PARP9: variants seen among roughly 807,000 people sequenced by gnomAD.
The protein encoded by PARP9 is poly(ADP-ribose) polymerase family member 9, also known as protein mono-ADP-ribosyltransferase PARP9.
Under a neutral mutation model 68.8 loss-of-function variants are expected in PARP9, and 48 were observed. The ratio of observed to expected loss-of-function variants is 0.70; its 90% confidence interval spans 0.55 to 0.89. The LOEUF (loss-of-function observed/expected upper bound fraction) is 0.89. Among genes scored for constraint, PARP9 ranks in the 40% least tolerant of loss-of-function variants. PARP9 has a pLI of 0.00. For missense variants in PARP9, 806 were observed against 969.3 expected (o/e 0.83, Z 2.24); for synonymous variants, 309 against 333.8 (o/e 0.93, Z 0.81).
chr3:122,528,341 C>T lies in PARP9; in HGVS notation c.*23G>A, dbSNP rs375933387. On this transcript the variant is annotated 3_prime_UTR_variant, in exon 11 of 11. Coordinates refer to ENST00000682323, the MANE Select transcript of PARP9 (RefSeq NM_001146105.2). ...TAGTTCACCCAAGGTAAGGCCATAC[C>T]AGCTGTTAAAATGATGTAGAGATTA... The T allele has an allele frequency of 4.4e-6, 7 of 1,598,116 alleles. No homozygotes were observed. Among genetic ancestry groups the T allele is most frequent in the African/African-American group, 1.3e-5 (1 of 74,728 alleles).
chr3:122,546,994 AT>A (rs2078762326), intron 6 of PARP9, among the ~76,000 whole-genome samples: 1 of 117,370 alleles, frequency 8.5e-6, no homozygotes, highest in African/African-American at 3.5e-5. Flanking sequence ...ATATATATAT[AT>A]ATATATATAT....
At chr3:122,551,483 G>A (rs1288445497) in intron 5 of PARP9, among the ~76,000 whole-genome samples, 2 of 152,088 alleles carry the variant, frequency 1.3e-5, no homozygotes, top group Non-Finnish European at 2.9e-5. Context: ...ATTCTTTAAT[G>A]CTTTTATTTT....
At chr3:122,535,418 T>G (rs114920555) in intron 10 of PARP9, 2 of 985,270 alleles carry the variant, frequency 2.0e-6, no homozygotes. Flanking sequence ...ATGCTACATA[T>G]GTTGAAAGAT....
intron 6 of PARP9, among the ~76,000 whole-genome samples, chr3:122,550,149 G>A (rs560567369): frequency 2.6e-5 from 4 of 152,190 alleles, no homozygotes; most frequent in Admixed American, 6.5e-5. Context: ...GCGTGATCTC[G>A]GCTCACCACA....
chr3:122,534,000 T>C, intron 10 of PARP9: 4 of 985,448 alleles, frequency 4.1e-6, no homozygotes, highest in African/African-American at 1.7e-5. Flanking sequence ...AAGAGTTCTC[T>C]CTAGCCTACA....
At chr3:122,530,435 CTG>C (rs370209766) in intron 10 of PARP9, among the ~76,000 whole-genome samples, 25 of 152,082 alleles carry the variant, frequency 1.6e-4, no homozygotes, top group African/African-American at 6.0e-4. Context: ...ACTCTGGGGA[CTG>C]TGATACTAAG....
chr3:122,531,346 C>T (rs1250183130), intron 10 of PARP9, among the ~76,000 whole-genome samples: 2 of 152,186 alleles, frequency 1.3e-5, no homozygotes, highest in African/African-American at 2.4e-5. Flanking sequence ...GATTTTCTTT[C>T]CCGGGAGTTT....
At chr3:122,537,169 T>A in intron 8 of PARP9, 96 bp from the exon 9 acceptor site, 1 of 1,315,610 alleles carries the variant, frequency 7.6e-7, no homozygotes, top group Non-Finnish European at 1.0e-6. Flanking sequence ...AGGAAGGGAT[T>A]AGCCAGTTTA....
At chr3:122,529,918 C>G (rs185544052) in intron 10 of PARP9, among the ~76,000 whole-genome samples, 1 of 151,818 alleles carries the variant, frequency 6.6e-6, no homozygotes, top group Non-Finnish European at 1.5e-5. Context: ...CATCTGGGCC[C>G]GGTGGTACAC....
intron 1 of PARP9, among the ~76,000 whole-genome samples, chr3:122,562,184 TTTTCTTTTCTTTTC>T (rs2080277410): frequency 8.0e-6 from 1 of 125,352 alleles, no homozygotes; most frequent in Non-Finnish European, 1.9e-5. Context: ...TTTTCTTTTC[TTTTCTTTTCTTTTC>T]TTTTCTTTTT....
chr3:122,558,500 T>A lies in PARP9; in HGVS notation c.16-33A>T, dbSNP rs776859663. ...AAATGAGAATGGCTTTCTTAAAAAA[T>A]GGAAGTGGAATGACTACAGCTTACT... On this transcript the variant is annotated intron_variant, in intron 2 of 10. Coordinates refer to ENST00000682323, the MANE Select transcript of PARP9 (RefSeq NM_001146105.2). 4 of 1,611,468 alleles carry A rather than the reference T, an allele frequency of 2.5e-6. No individual in the cohort carries two copies. The Admixed American group carries it at 5.0e-5, about 20-fold the overall frequency.
chr3:122,537,087 A>C lies in PARP9; in HGVS notation c.1766-14T>G, dbSNP rs1173474321. The C allele has an allele frequency of 1.3e-6, 2 of 1,592,280 alleles. No homozygotes were observed. The highest frequency in any genetic ancestry group is 2.3e-5 in the South Asian group (2 of 86,544). ...TAGTCCACTGTCCTAAAAATGAGTA[A>C]CACAAAAACTTTACTTCAATGCTCT... On this transcript the variant is annotated splice_polypyrimidine_tract_variant and intron_variant, in intron 8 of 10. Transcript: ENST00000682323.
chr3:122,559,904 A>C (rs1443752460), intron 1 of PARP9, among the ~76,000 whole-genome samples, 195 bp from the exon 2 acceptor site: 1 of 152,236 alleles, frequency 6.6e-6, no homozygotes, highest in Admixed American at 6.5e-5. Context: ...GTTCCAGTGG[A>C]AATCATAATG....
At chr3:122,539,468 A>G (rs572906369) in intron 8 of PARP9, among the ~76,000 whole-genome samples, 2 of 151,936 alleles carry the variant, frequency 1.3e-5, no homozygotes, top group South Asian at 4.2e-4. Flanking sequence ...TAGTTGAATG[A>G]TATCTATATC....
Position 122,540,731 on chromosome 3 carries a change from G to C in PARP9, c.1506C>G (p.Ile502Met). ...MYEAHAWIQR[I>M]LSLQNHHIIE... ...TGATGTGGTGGTTCTGGAGACTCAG[G>C]ATTCTTTGGATCCATGCGTGGGCCT... The change falls in exon 8 of 11, where the codon ATC becomes ATG. Residue 502 changes from isoleucine to methionine, a missense_variant. By Grantham distance (10) the Ile-to-Met change is conservative (BLOSUM62 1). Coordinates refer to ENST00000682323, the MANE Select transcript of PARP9 (RefSeq NM_001146105.2). 6.2e-7 allele frequency: 1 copy of C among 1,614,118 alleles called. No individual in the cohort carries two copies. Among genetic ancestry groups the C allele is most frequent in the African/African-American group, 1.3e-5 (1 of 75,036 alleles).
intron 6 of PARP9, among the ~76,000 whole-genome samples, chr3:122,547,541 G>A (rs761461958): frequency 2.0e-5 from 3 of 151,922 alleles, no homozygotes; most frequent in Non-Finnish European, 4.4e-5. Flanking sequence ...AATTCCTCTT[G>A]TATGAAAATG....
chr3:122,559,910 T>A (rs568758183), intron 1 of PARP9, among the ~76,000 whole-genome samples: 2 of 152,214 alleles, frequency 1.3e-5, no homozygotes, highest in Non-Finnish European at 2.9e-5. Flanking sequence ...GTGGAAATCA[T>A]AATGGCAGTT....
Position 122,552,511 on chromosome 3 carries a change from T to C in PARP9, c.1014A>G (p.Gln338=). ...EFLATKAKQF[Q]RSQLVLVTKG... ...TTGTGACCAGTACCAACTGGGACCG[T>C]TGAAACTGTTTAGCCTTTGTGGCAA... is the stretch of plus-strand genomic sequence containing the variant. Residue 338 remains glutamine, a synonymous_variant, in exon 5 of 11, where the codon CAA becomes CAG. Transcript: ENST00000682323. 6.2e-7 allele frequency: 1 copy of C among 1,614,160 alleles called. No homozygotes were observed. Among genetic ancestry groups the C allele is most frequent in the South Asian group, 1.1e-5 (1 of 91,086 alleles).
Position 122,535,810 on chromosome 3 carries a change from C to T in PARP9, c.2080+358G>A, listed in dbSNP as rs868784317. The stretch of plus-strand genomic sequence containing the variant: ...ATTAAGGGATGAGGACGGTTCAGTG[C>T]TGTTGGTAATAATTTTGTTGAGATA... On this transcript the variant is annotated intron_variant, in intron 10 of 10. Coordinates refer to ENST00000682323, the MANE Select transcript of PARP9 (RefSeq NM_001146105.2). The T allele has an allele frequency of 3.7e-5, 40 of 1,089,506 alleles. 1 individual carries two copies. Among genetic ancestry groups the T allele is most frequent in the Middle Eastern group, 4.2e-4 (1 of 2,356 alleles). 67.5% of individuals were successfully genotyped at this position (1,089,506 alleles called of 1,614,324 possible). A position where few individuals can be genotyped will look rare whatever the true frequency, so the allele number is the denominator to read the frequency against.
Sources: gnomAD v4.1 joint callset for allele counts (sites outside exome capture counted in the v4.1 genomes callset) on GRCh38, gnomAD v4.1.1 for gene constraint, MANE v1.5 for transcripts, NCBI Gene and HGNC (gene_info 2026-07-23, HGNC 2026-07-21) for gene names.